BTRC: variants seen among roughly 807,000 people sequenced by gnomAD.
BTRC encodes the protein F-box/WD repeat-containing protein 1A.
In BTRC, 42 loss-of-function variants were observed where a neutral mutation model predicts 85.5. The ratio of observed to expected loss-of-function variants is 0.49; its 90% CI spans 0.38 to 0.64. The LOEUF is 0.64. Ranked by LOEUF, BTRC falls within the 30% of genes least tolerant of loss-of-function variation. The pLI, the probability that BTRC is intolerant of heterozygous loss-of-function variation, is 0.00. For missense variants in BTRC, 594 were observed against 743.5 expected (o/e 0.80, Z 2.34); for synonymous variants, 255 against 263.3 (o/e 0.97, Z 0.30).
At chr10:101,354,087 G>A (rs1298413483), upstream of BTRC, 4 of 1,420,824 alleles carry the variant, frequency 2.8e-6, no homozygotes, top group Non-Finnish European at 3.9e-6. Context: ...GCGGGGGGAA[G>A]GAAGAGGAGG....
Position 101,398,538 on chromosome 10 carries a change from C to T in BTRC, c.49-31807C>T, listed in dbSNP as rs535504343. Among the ~76,000 whole-genome samples the T allele has an allele frequency of 8.5e-5, 13 of 152,220 alleles. No homozygotes were observed. The South Asian group carries it at 2.7e-3, about 32-fold the overall frequency. ...CAGGATGTTCTCAATCTCCTGACCT[C>T]GTGATCTGCCTGCCTTGACCTCCCA... On this transcript the variant is annotated intron_variant, in intron 1 of 14. Coordinates refer to ENST00000370187, the MANE Select transcript of BTRC (RefSeq NM_033637.4).
chr10:101,421,296 C>T (rs1944093791), intron 1 of BTRC, among the ~76,000 whole-genome samples: 1 of 151,970 alleles, frequency 6.6e-6, no homozygotes, highest in South Asian at 2.1e-4. Context: ...GCCCCTAAAC[C>T]ATTTTGGCTT....
intron 1 of BTRC, among the ~76,000 whole-genome samples, chr10:101,379,589 A>T (rs1942878403): frequency 6.6e-6 from 1 of 152,130 alleles, no homozygotes; most frequent in Admixed American, 6.6e-5. Flanking sequence ...TTTCCTAAGA[A>T]GCTTATTTAA....
chr10:101,361,812 T>C (rs1942214615), intron 1 of BTRC, among the ~76,000 whole-genome samples: 1 of 152,216 alleles, frequency 6.6e-6, no homozygotes, highest in African/African-American at 2.4e-5. Flanking sequence ...GAACTAAGAA[T>C]ATGATTGTTC....
intron 2 of BTRC, among the ~76,000 whole-genome samples, chr10:101,445,472 T>G (rs149234038): frequency 1.7e-4 from 26 of 152,328 alleles, no homozygotes; most frequent in African/African-American, 5.8e-4. Flanking sequence ...ATAAATTTAC[T>G]CAAGCCAACT....
chr10:101,459,319 G>GTATA (rs759435939), intron 2 of BTRC, among the ~76,000 whole-genome samples: 7 of 152,078 alleles, frequency 4.6e-5, no homozygotes, highest in Non-Finnish European at 7.4e-5. Flanking sequence ...GACTACTTAG[G>GTATA]TATACATGGC....
intron 1 of BTRC, among the ~76,000 whole-genome samples, chr10:101,400,477 C>G (rs1943467344): frequency 6.6e-6 from 1 of 152,138 alleles, no homozygotes; most frequent in Admixed American, 6.5e-5. Flanking sequence ...CCAGATAGCT[C>G]CCTTTTGAAC....
intron 1 of BTRC, among the ~76,000 whole-genome samples, chr10:101,373,102 A>T (rs1333884273): frequency 1.3e-5 from 2 of 152,226 alleles, no homozygotes; most frequent in African/African-American, 2.4e-5. Flanking sequence ...GGTGTTATTT[A>T]AAAAATTTAA....
In BTRC at chr10:101,554,285, A is replaced by C. The variant is rs2062697564; in HGVS notation, c.*1162A>C. ...ATGGCCAGAGCCAATCGCTTGGTGC[A>C]TTCTGCGTAATGGTTTCCATCTCCG... On this transcript the variant is annotated 3_prime_UTR_variant, in exon 15 of 15. Transcript: ENST00000370187. 6.6e-6 allele frequency: 1 copy of C among 152,234 alleles called. No individual in the cohort carries two copies. The highest frequency in any genetic ancestry group is 1.5e-5 in the Non-Finnish European group (1 of 68,052). 9.4% of individuals were successfully genotyped at this position (152,234 alleles called of 1,614,324 possible).
At chr10:101,390,356 G>A (rs61874003) in intron 1 of BTRC, among the ~76,000 whole-genome samples, 11 of 117,216 alleles carry the variant, frequency 9.4e-5, no homozygotes, top group South Asian at 7.6e-4. Flanking sequence ...TTTTTTTTCC[G>A]AGACGGAGTC....
intron 2 of BTRC, among the ~76,000 whole-genome samples, chr10:101,434,840 G>A (rs953589558): frequency 6.6e-6 from 1 of 151,050 alleles, no homozygotes; most frequent in Non-Finnish European, 1.5e-5. Context: ...CAGCCATGTT[G>A]GCCAGGCTGT....
chr10:101,383,470 A>G (rs2133964539), intron 1 of BTRC, among the ~76,000 whole-genome samples: 1 of 150,696 alleles, frequency 6.6e-6, no homozygotes, highest in South Asian at 2.1e-4. Flanking sequence ...ATTCGAGCAG[A>G]TATTTTGCTC....
intron 13 of BTRC, among the ~76,000 whole-genome samples, chr10:101,550,314 T>C (rs964607023): frequency 1.3e-5 from 2 of 152,066 alleles, no homozygotes; most frequent in Non-Finnish European, 2.9e-5. Flanking sequence ...AGACAGAGTC[T>C]CACTCTGTTG....
At chr10:101,501,609 A>G (rs1391115065) in intron 4 of BTRC, among the ~76,000 whole-genome samples, 1 of 152,216 alleles carries the variant, frequency 6.6e-6, no homozygotes, top group African/African-American at 2.4e-5. Context: ...ACAGTGTTTG[A>G]TACATAGAAA....
intron 3 of BTRC, among the ~76,000 whole-genome samples, chr10:101,475,219 G>A (rs1353165012): frequency 6.6e-6 from 1 of 151,996 alleles, no homozygotes; most frequent in Non-Finnish European, 1.5e-5. Flanking sequence ...AAAACAAGTT[G>A]GTAAATTTTT....
chr10:101,552,726 TG>T (rs1376392608), intron 14 of BTRC, among the ~76,000 whole-genome samples: 2 of 152,206 alleles, frequency 1.3e-5, no homozygotes, highest in Non-Finnish European at 1.5e-5. Flanking sequence ...TTTACACTGC[TG>T]GTACCCTGCA....
At chr10:101,468,397 C>T (rs547143869) in intron 3 of BTRC, among the ~76,000 whole-genome samples, 211 of 142,080 alleles carry the variant, frequency 1.5e-3, no homozygotes, top group African/African-American at 5.3e-3. Context: ...TTAAAAAAGG[C>T]GGGGGGTGGG....
At chr10:101,497,793 G>A (rs565684598) in intron 4 of BTRC, among the ~76,000 whole-genome samples, 21 of 152,176 alleles carry the variant, frequency 1.4e-4, no homozygotes, top group African/African-American at 3.1e-4. Flanking sequence ...AGGCCAACGC[G>A]GGCATGTCAC....
intron 12 of BTRC, among the ~76,000 whole-genome samples, chr10:101,537,397 G>A (rs1287045870): frequency 2.6e-5 from 4 of 152,196 alleles, no homozygotes; most frequent in Non-Finnish European, 4.4e-5. Flanking sequence ...GTGTGGTTGC[G>A]GGCGCCTGTA....
Sources: gnomAD v4.1 joint callset for allele counts (sites outside exome capture counted in the v4.1 genomes callset) on GRCh38, gnomAD v4.1.1 for gene constraint, MANE v1.5 for transcripts, NCBI Gene and HGNC (gene_info 2026-07-23, HGNC 2026-07-21) for gene names.